The following TXNDC11 variants were observed in gnomAD, a reference collection of about 807,000 sequenced individuals.
TXNDC11 encodes the protein thioredoxin domain-containing protein 11.
Under a neutral mutation model 78.0 loss-of-function variants are expected in TXNDC11, and 68 were observed. The ratio of observed to expected loss-of-function variants is 0.87; its 90% CI spans 0.72 to 1.07. TXNDC11 has a LOEUF of 1.07. Ranked by LOEUF, TXNDC11 falls within the 50% of genes least tolerant of loss-of-function variation. The probability of loss-of-function intolerance (pLI) is 0.00; values close to 1 mark genes in which losing one functional copy is unlikely to be tolerated. For missense variants in TXNDC11, 1,389 were observed against 1,221.8 expected, an observed-to-expected ratio of 1.14 and a Z score of -2.04; for synonymous variants, 571 against 495.2, an observed-to-expected ratio of 1.15 and a Z score of -2.03.
chr16:11,722,423 T>C (rs2051736138), intron 4 of TXNDC11, among the ~76,000 whole-genome samples: 1 of 152,244 alleles, frequency 6.6e-6, no homozygotes, highest in African/African-American at 2.4e-5. Context: ...CAATCACTTC[T>C]TCCTTCTTGG....
chr16:11,730,025 T>G (rs2052000408), intron 4 of TXNDC11, among the ~76,000 whole-genome samples: 1 of 152,042 alleles, frequency 6.6e-6, no homozygotes, highest in Non-Finnish European at 1.5e-5. Context: ...ACCCAGGAAG[T>G]GGAGTTTGCA....
intron 1 of TXNDC11, among the ~76,000 whole-genome samples, chr16:11,740,964 A>G (rs1267433286): frequency 6.6e-6 from 1 of 152,060 alleles, no homozygotes; most frequent in Admixed American, 6.5e-5. Context: ...GTCTGAAGCC[A>G]TTGTAGTTGT....
In TXNDC11 at chr16:11,742,676, C is replaced by T; in HGVS notation, c.55G>A (p.Asp19Asn). ...GGGCCGCCGCCGCCCCCTCCCTCGT[C>T]CTCGGCGTCCTCGCTGCTGCTGCTG... ...GGSSSSEDAE[D>N]EGGGGGGPAG... The change falls in exon 1 of 12, where the codon GAC becomes AAC. Residue 19 changes from aspartate to asparagine, a missense_variant. Asp to Asn is a conservative substitution (Grantham distance 23, BLOSUM62 1). Transcript: ENST00000283033. 6.8e-7 allele frequency: 1 copy of T among 1,469,734 alleles called. No individual in the cohort carries two copies. The highest frequency in any genetic ancestry group is 8.9e-7 in the Non-Finnish European group (1 of 1,117,934). The allele number at this position is 1,469,734 out of a possible 1,614,324, so 91.0% of individuals were successfully genotyped here.
At chr16:11,698,056 G>A in intron 7 of TXNDC11, 69 bp downstream of exon 7, 2 of 1,439,840 alleles carry the variant, frequency 1.4e-6, no homozygotes, top group Non-Finnish European at 2.0e-6. Context: ...CTGAGTGTGG[G>A]ATGAGAGGAG....
chr16:11,741,499 C>A (rs966666175), intron 1 of TXNDC11, among the ~76,000 whole-genome samples: 1 of 152,202 alleles, frequency 6.6e-6, no homozygotes, highest in African/African-American at 2.4e-5. Context: ...TCTGCATTTG[C>A]TGTTCGCTCT....
At chr16:11,680,844 A>G (rs888706893) in intron 11 of TXNDC11, among the ~76,000 whole-genome samples, 1 of 152,130 alleles carries the variant, frequency 6.6e-6, no homozygotes, top group African/African-American at 2.4e-5. Flanking sequence ...TTCTTAACAT[A>G]TAAGCTTTCT....
intron 5 of TXNDC11, among the ~76,000 whole-genome samples, chr16:11,707,641 G>A (rs1287530506): frequency 6.6e-6 from 1 of 151,406 alleles, no homozygotes. Context: ...TACAGACAGA[G>A]TTTCACCATG....
Position 11,679,217 on chromosome 16 carries a change from T to C in TXNDC11, c.2855A>G (p.Asn952Ser). The change falls in exon 12 of 12, where the codon AAT becomes AGT. Residue 952 changes from asparagine to serine, a missense_variant. Physicochemically the swap from Asn to Ser is conservative, Grantham distance 46. Coordinates refer to ENST00000283033, the MANE Select transcript of TXNDC11 (RefSeq NM_015914.7). The surrounding 1 kb of genome is among the most constrained non-coding windows in gnomAD (Gnocchi z 4.6). ...AAGTTAGTCTGTCCTGTTCTCCTTA[T>C]TCCTTTCAGACACCAGTGTGGCGCT... ...NVSATLVSER[N>S]KENRTD 1 of 1,613,922 alleles carries C rather than the reference T, an allele frequency of 6.2e-7. No individual in the cohort carries two copies. Among genetic ancestry groups the C allele is most frequent in the Non-Finnish European group, 8.5e-7 (1 of 1,180,038 alleles).
At position 11,698,214 on chromosome 16, in the gene TXNDC11, G is replaced by A. The variant is rs780033788; in HGVS notation, c.1018C>T (p.Leu340=). The A allele has an allele frequency of 5.0e-6, 8 of 1,614,240 alleles. No homozygotes were observed. Among genetic ancestry groups the A allele is most frequent in the Middle Eastern group, 1.6e-4 (1 of 6,062 alleles). Residue 340 remains leucine (L), a synonymous_variant, in exon 7 of 12, where the codon CTG becomes TTG. Transcript: ENST00000283033. Reference sequence around the variant, plus strand: ...CCTTTCTTCAGCTCGTTATTCAGCAGGAGACTCTTGCCTCCGTGTGGCCGC... The same window carrying A: ...CCTTTCTTCAGCTCGTTATTCAGCAAGAGACTCTTGCCTCCGTGTGGCCGC... ...WLRPHGGKSL[L]LNNELKKGPA... is the part of the protein sequence containing the mutation.
At chr16:11,735,953 G>T in intron 2 of TXNDC11, 64 bp downstream of exon 2, 1 of 1,513,694 alleles carries the variant, frequency 6.6e-7, no homozygotes, top group Non-Finnish European at 9.1e-7. Flanking sequence ...GTCTCTGTGG[G>T]GACATCCTGC....
intron 2 of TXNDC11, 65 bp downstream of exon 2, chr16:11,735,952 G>T: frequency 6.6e-7 from 1 of 1,519,422 alleles, no homozygotes; most frequent in Non-Finnish European, 9.1e-7. Context: ...TGTCTCTGTG[G>T]GGACATCCTG....
intron 5 of TXNDC11, among the ~76,000 whole-genome samples, chr16:11,719,887 T>A (rs1017908315): frequency 6.6e-6 from 1 of 152,218 alleles, no homozygotes; most frequent in African/African-American, 2.4e-5. Context: ...AAGCGATATT[T>A]GGGCTGGGCC....
intron 3 of TXNDC11, among the ~76,000 whole-genome samples, chr16:11,732,742 A>C (rs993627046): frequency 1.3e-5 from 2 of 152,210 alleles, no homozygotes; most frequent in African/African-American, 4.8e-5. Flanking sequence ...AGTCAATACT[A>C]TGTGCCAGAC....
At chr16:11,719,653 G>T (rs1170386972) in intron 5 of TXNDC11, among the ~76,000 whole-genome samples, 2 of 152,162 alleles carry the variant, frequency 1.3e-5, no homozygotes, top group Non-Finnish European at 2.9e-5. Context: ...TCACTTGCTT[G>T]GCAAAGACTG....
chr16:11,689,708 A>T (rs898661817), intron 8 of TXNDC11, among the ~76,000 whole-genome samples: 29 of 152,248 alleles, frequency 1.9e-4, no homozygotes, highest in African/African-American at 6.8e-4. Flanking sequence ...ACTGAATGGA[A>T]TTCAGGAAAA....
At chr16:11,688,469 T>G (rs909920683) in intron 8 of TXNDC11, 24 bp from the exon 9 acceptor site, 2 of 1,574,758 alleles carry the variant, frequency 1.3e-6, no homozygotes, top group Non-Finnish European at 1.7e-6. Flanking sequence ...GAAAATGAGA[T>G]CAACTCTCCT....
At chr16:11,722,472 T>C (rs1323903809) in intron 4 of TXNDC11, among the ~76,000 whole-genome samples, 1 of 152,212 alleles carries the variant, frequency 6.6e-6, no homozygotes, top group African/African-American at 2.4e-5. Context: ...TTTTATTCTG[T>C]AATAATCGTA....
intron 11 of TXNDC11, among the ~76,000 whole-genome samples, chr16:11,683,329 C>T (rs1322863055): frequency 6.6e-6 from 1 of 152,164 alleles, no homozygotes; most frequent in Non-Finnish European, 1.5e-5. Context: ...CATCCCATGG[C>T]GGACGTTCAC....
At chr16:11,722,692 G>A (rs1005431270) in intron 4 of TXNDC11, among the ~76,000 whole-genome samples, 1 of 152,132 alleles carries the variant, frequency 6.6e-6, no homozygotes, top group African/African-American at 2.4e-5. Context: ...TAAAGCACTA[G>A]GCAAATGAAA....
Sources: gnomAD v4.1 joint callset for allele counts (sites outside exome capture counted in the v4.1 genomes callset) on GRCh38, gnomAD v4.1.1 for gene constraint, Gnocchi (gnomAD v3.1) non-coding constraint, MANE v1.5 for transcripts, NCBI Gene and HGNC (gene_info 2026-07-23, HGNC 2026-07-21) for gene names.